The following FAM124B variants were observed in gnomAD, a reference collection of about 807,000 sequenced individuals.
The protein encoded by FAM124B is family with sequence similarity 124 member B, also known as protein FAM124B.
FAM124B carries 18 observed loss-of-function variants against 19.7 expected under a neutral mutation model. The ratio of observed to expected loss-of-function variants is 0.92; its 90% CI spans 0.63 to 1.36. The LOEUF (loss-of-function observed/expected upper bound fraction) is 1.36. Among genes scored for constraint, FAM124B ranks in the 40% most tolerant of loss-of-function variants. The pLI, the probability that FAM124B is intolerant of heterozygous loss-of-function variation, is 0.00. For missense variants in FAM124B, 540 were observed against 553.3 expected (o/e 0.98, Z 0.24); for synonymous variants, 223 against 225.2 (o/e 0.99, Z 0.09).
chr2:224,386,498 C>CTAACATCAT (rs1237014146), intron 1 of FAM124B, among the ~76,000 whole-genome samples: 1 of 152,144 alleles, frequency 6.6e-6, no homozygotes, highest in East Asian at 1.9e-4. Context: ...TAAATAAGTG[C>CTAACATCAT]TAACATCATA....
intron 1 of FAM124B, among the ~76,000 whole-genome samples, chr2:224,389,351 CA>C (rs1219506140): frequency 2.6e-5 from 4 of 152,158 alleles, no homozygotes; most frequent in Non-Finnish European, 5.9e-5. Context: ...ATTTGGCAGT[CA>C]TTTAAAAATG....
intron 1 of FAM124B, among the ~76,000 whole-genome samples, chr2:224,395,132 T>TAGAGTCTGCC (rs1689950388): frequency 1.3e-5 from 2 of 152,150 alleles, no homozygotes; most frequent in Non-Finnish European, 2.9e-5. Context: ...ACCTGGAATT[T>TAGAGTCTGCC]AGAGTCTGCC....
chr2:224,401,885 G>C lies in FAM124B; in HGVS notation c.-117C>G. 1 of 1,247,420 alleles carries C rather than the reference G, an allele frequency of 8.0e-7. No homozygotes were observed. The highest frequency in any genetic ancestry group is 1.1e-6 in the Non-Finnish European group (1 of 904,386). 77.3% of individuals were successfully genotyped at this position (1,247,420 alleles called of 1,614,324 possible). A position where few individuals can be genotyped will look rare whatever the true frequency, so the allele number is the denominator to read the frequency against. ...GCCCGCCTGAAAACCTTCAGCTGCA[G>C]CGGCTACTTCTGAGCAGAGCTCTTA... On this transcript the variant is annotated 5_prime_UTR_variant, in exon 1 of 2. Coordinates refer to ENST00000409685, the MANE Select transcript of FAM124B (RefSeq NM_001122779.2).
chr2:224,395,683 CA>C (rs1689957562), intron 1 of FAM124B, among the ~76,000 whole-genome samples: 1 of 152,236 alleles, frequency 6.6e-6, no homozygotes. Context: ...CTTGCCTTCT[CA>C]TGTACTCATA....
chr2:224,394,731 G>C (rs958256181), intron 1 of FAM124B, among the ~76,000 whole-genome samples: 1 of 152,126 alleles, frequency 6.6e-6, no homozygotes, highest in African/African-American at 2.4e-5. Context: ...GAACTCTCCA[G>C]CCCTATACTT....
intron 1 of FAM124B, among the ~76,000 whole-genome samples, chr2:224,385,882 C>T (rs1419473538): frequency 6.6e-6 from 1 of 152,170 alleles, no homozygotes; most frequent in African/African-American, 2.4e-5. Context: ...GTCATTCACC[C>T]TGGAGCAGGC....
intron 1 of FAM124B, among the ~76,000 whole-genome samples, chr2:224,396,141 C>T (rs753763859): frequency 2.0e-5 from 3 of 152,194 alleles, no homozygotes; most frequent in African/African-American, 4.8e-5. Flanking sequence ...GCTCTTGGTA[C>T]TTACATTCCA....
Position 224,401,971 on chromosome 2 carries a change from C to T in FAM124B, c.-203G>A. The T allele has an allele frequency of 1.7e-6, 1 of 581,552 alleles. No homozygotes were observed. 36.0% of individuals were successfully genotyped at this position (581,552 alleles called of 1,614,324 possible). On this transcript the variant is annotated 5_prime_UTR_variant, in exon 1 of 2. Transcript: ENST00000409685. ...TTACGGCAAGAGAAGCTCACACCAG[C>T]TCGGGTTCAGCAGCCTCCCTCTCCA... is the stretch of plus-strand genomic sequence containing the variant.
chr2:224,396,949 C>T (rs960583287), intron 1 of FAM124B, among the ~76,000 whole-genome samples: 1 of 152,190 alleles, frequency 6.6e-6, no homozygotes, highest in Non-Finnish European at 1.5e-5. Flanking sequence ...CTGTGTAAGG[C>T]CTGGACTACT....
intron 1 of FAM124B, among the ~76,000 whole-genome samples, 183 bp downstream of exon 1, chr2:224,400,854 A>C (rs1690056343): frequency 6.6e-6 from 1 of 152,200 alleles, no homozygotes; most frequent in African/African-American, 2.4e-5. Context: ...GCTGTAAAAA[A>C]GTTACCTAGG....
intron 1 of FAM124B, among the ~76,000 whole-genome samples, chr2:224,382,737 C>A (rs1183642189): frequency 2.0e-5 from 3 of 152,050 alleles, no homozygotes. Flanking sequence ...AATTTCTTAC[C>A]TGGAAGCCCA....
Position 224,401,950 on chromosome 2 carries a change from G to A in FAM124B, c.-182C>T, listed in dbSNP as rs3845837. On this transcript the variant is annotated 5_prime_UTR_variant, in exon 1 of 2. Transcript: ENST00000409685. ...TGCTCCTGGCCACCCGTGGACTTAC[G>A]GCAAGAGAAGCTCACACCAGCTCGG... 0.16 allele frequency: 104,879 copies of A among 651,140 alleles called. 9,414 individuals carry two copies. Among genetic ancestry groups the A allele is most frequent in the African/African-American group, 0.21 (11,330 of 55,024 alleles). 40.3% of individuals were successfully genotyped at this position (651,140 alleles called of 1,614,324 possible).
At chr2:224,380,330 G>A in intron 1 of FAM124B, 122 bp from the exon 2 acceptor site, 1 of 881,018 alleles carries the variant, frequency 1.1e-6, no homozygotes. Context: ...AGTAAATTTG[G>A]TTGAATTGAA....
intron 1 of FAM124B, among the ~76,000 whole-genome samples, chr2:224,396,948 G>A (rs1213648649): frequency 6.6e-6 from 1 of 152,168 alleles, no homozygotes; most frequent in African/African-American, 2.4e-5. Context: ...ACTGTGTAAG[G>A]CCTGGACTAC....
intron 1 of FAM124B, among the ~76,000 whole-genome samples, chr2:224,392,519 C>T (rs1689904084): frequency 6.6e-6 from 1 of 152,114 alleles, no homozygotes; most frequent in African/African-American, 2.4e-5. Flanking sequence ...CTTTAGGATG[C>T]TGAGGCTGGC....
rs1018907466 is a variant in FAM124B at position 224,380,020 on chromosome 2, G to A, written c.921C>T (p.Asp307=). The change falls in exon 2 of 2, where the codon GAC becomes GAT. Residue 307 remains aspartate, a synonymous_variant. Transcript: ENST00000409685. ...TTTTCCACGAAGTGCCAGCACACCT[G>A]TCTGATGTGGGGCTCCCACTGGGCT... ...LPEPSGSPTS[D]RCAGTSWKSP... is the part of the protein sequence containing the mutation. The A allele has an allele frequency of 3.1e-5, 48 of 1,551,576 alleles. No homozygotes were observed. Among genetic ancestry groups the A allele is most frequent in the Middle Eastern group, 3.3e-4 (2 of 6,000 alleles).
At position 224,402,020 on chromosome 2, in the gene FAM124B, A is replaced by G. The variant is rs1168213323; in HGVS notation, c.-252T>C. The G allele has an allele frequency of 2.0e-6, 1 of 494,468 alleles. No homozygotes were observed. Among genetic ancestry groups the G allele is most frequent in the African/African-American group, 1.9e-5 (1 of 52,506 alleles). 30.6% of individuals were successfully genotyped at this position (494,468 alleles called of 1,614,324 possible). On this transcript the variant is annotated 5_prime_UTR_variant, in exon 1 of 2. The change abolishes an upstream ATG in the 5' untranslated region. Transcript: ENST00000409685. ...CACACAGCAGCAGCGGGGTCACGTC[A>G]TCCAGCTTGTGCATAATGTAACTGC... is the stretch of plus-strand genomic sequence containing the variant.
At chr2:224,392,338 G>A (rs562030016) in intron 1 of FAM124B, among the ~76,000 whole-genome samples, 25 of 152,246 alleles carry the variant, frequency 1.6e-4, no homozygotes, top group Admixed American at 7.9e-4. Flanking sequence ...CAGCTACTCA[G>A]GAGGCTGAAA....
chr2:224,382,398 TC>T (rs2106076533), intron 1 of FAM124B, among the ~76,000 whole-genome samples: 1 of 146,512 alleles, frequency 6.8e-6, no homozygotes, highest in South Asian at 2.2e-4. Context: ...GATCAATGAT[TC>T]CCTGTCTTTT....
Sources: allele counts gnomAD v4.1 joint callset (sites outside exome capture counted in the v4.1 genomes callset), GRCh38; gene constraint gnomAD v4.1.1; transcripts MANE v1.5; gene names NCBI Gene and HGNC (gene_info 2026-07-23, HGNC 2026-07-21).